SCN3A: variants seen among roughly 807,000 people sequenced by gnomAD.
SCN3A encodes the protein sodium channel protein type 3 subunit alpha.
SCN3A carries 60 observed loss-of-function variants against 187.6 expected under a neutral mutation model. The observed-to-expected ratio is 0.32, with a 90% CI of 0.26 to 0.40. SCN3A has a LOEUF of 0.40. Among genes scored for constraint, SCN3A ranks in the 10% least tolerant of loss-of-function variants. The pLI is 1.00. For synonymous variants in SCN3A, 788 were observed against 829.2 expected, an observed-to-expected ratio of 0.95 and a Z score of 0.85; for missense variants, 1,601 against 2,428.2, an observed-to-expected ratio of 0.66 and a Z score of 7.16.
At chr2:165,102,052 C>T (rs1423732829) in intron 21 of SCN3A, among the ~76,000 whole-genome samples, 1 of 152,234 alleles carries the variant, frequency 6.6e-6, no homozygotes, top group African/African-American at 2.4e-5. Context: ...ATGTTCTATG[C>T]TCCTTTTCCT....
chr2:165,134,027 A>G (rs1215133370), intron 15 of SCN3A, among the ~76,000 whole-genome samples: 4 of 152,198 alleles, frequency 2.6e-5, no homozygotes, highest in African/African-American at 7.2e-5. Context: ...ATTGTTTATT[A>G]TAATGATCTC....
intron 2 of SCN3A, among the ~76,000 whole-genome samples, chr2:165,182,974 C>CAAAA (rs745609592): frequency 1.2e-3 from 106 of 87,046 alleles, no homozygotes; most frequent in East Asian, 5.4e-3. Context: ...AAGACCTTGT[C>CAAAA]AAAAAAAAAA....
In SCN3A at chr2:165,089,236, C is replaced by T. The variant is rs1259167899; in HGVS notation, c.*914G>A. On this transcript the variant is annotated 3_prime_UTR_variant, in exon 28 of 28. Transcript: ENST00000283254. Reference sequence around the variant, plus strand: ...CACCACAGGATAAAATAACTATTTACATAACATAGGGTATTTAATTGACAT... The same window carrying T: ...CACCACAGGATAAAATAACTATTTATATAACATAGGGTATTTAATTGACAT... The T allele has an allele frequency of 6.6e-6, 1 of 152,532 alleles. No individual in the cohort carries two copies. Among genetic ancestry groups the T allele is most frequent in the East Asian group, 1.9e-4 (1 of 5,190 alleles). The allele number at this position is 152,532 out of a possible 1,614,324, so 9.4% of individuals were successfully genotyped here. A position where few individuals can be genotyped will look rare whatever the true frequency, so the allele number is the denominator to read the frequency against.
At chr2:165,154,706 C>T (rs138187361) in intron 10 of SCN3A, 48 bp from the exon 11 acceptor site, 1 of 1,514,300 alleles carries the variant, frequency 6.6e-7, no homozygotes, top group Non-Finnish European at 9.2e-7. Flanking sequence ...TATAATGTCC[C>T]CAAATAAATA....
chr2:165,100,611 CAATGAAACCAG>C (rs1685560832), intron 21 of SCN3A, among the ~76,000 whole-genome samples, 187 bp from the exon 22 acceptor site: 1 of 151,810 alleles, frequency 6.6e-6, no homozygotes, highest in Admixed American at 6.6e-5. Flanking sequence ...TTTTTTTAAC[CAATGAAACCAG>C]AATACTTGCC....
At chr2:165,176,550 TAA>T (rs1690481304) in intron 2 of SCN3A, 106 bp from the exon 3 acceptor site, 4 of 832,486 alleles carry the variant, frequency 4.8e-6, no homozygotes, top group Admixed American at 2.1e-5. Flanking sequence ...CTATAAACAT[TAA>T]GTCATGCTTT....
intron 5 of SCN3A, 39 bp downstream of exon 5, chr2:165,168,697 A>T: frequency 7.6e-7 from 1 of 1,320,602 alleles, no homozygotes; most frequent in East Asian, 2.3e-5. Context: ...AGAGAATTTG[A>T]GTGTGCATTT....
chr2:165,146,386 G>A (rs1490723250), intron 12 of SCN3A, among the ~76,000 whole-genome samples: 23 of 59,572 alleles, frequency 3.9e-4, no homozygotes, highest in African/African-American at 1.2e-3. Flanking sequence ...ATATATATGT[G>A]TGTGTGTGTG....
intron 2 of SCN3A, among the ~76,000 whole-genome samples, chr2:165,179,915 AAATT>A (rs1430559417): frequency 6.6e-6 from 1 of 152,124 alleles, no homozygotes; most frequent in African/African-American, 2.4e-5. Flanking sequence ...CAGACTTTAA[AAATT>A]AATTCTTACT....
chr2:165,116,144 A>G (rs1686357978), intron 18 of SCN3A, among the ~76,000 whole-genome samples: 1 of 152,072 alleles, frequency 6.6e-6, no homozygotes, highest in Non-Finnish European at 1.5e-5. Context: ...GGCTTACATA[A>G]TTTTCTTCTT....
In SCN3A at chr2:165,088,449, A is replaced by AT. The variant is rs1462971261; in HGVS notation, c.*1700dup. 6.6e-6 allele frequency: 1 copy of AT among 152,484 alleles called. No individual in the cohort carries two copies. The highest frequency in any genetic ancestry group is 1.5e-5 in the Non-Finnish European group (1 of 67,954). 9.4% of individuals were successfully genotyped at this position (152,484 alleles called of 1,614,324 possible). On this transcript the variant is annotated 3_prime_UTR_variant, in exon 28 of 28. Transcript: ENST00000283254. ...CATACGTAAATACTACAAAAGTTGA[A>AT]TAAAAAAAAACATCTATGAATAAAA... is the stretch of plus-strand genomic sequence containing the variant.
intron 1 of SCN3A, among the ~76,000 whole-genome samples, chr2:165,196,023 T>C (rs533607914): frequency 6.6e-6 from 1 of 152,270 alleles, no homozygotes; most frequent in Non-Finnish European, 1.5e-5. Context: ...AATGGTTATA[T>C]CAACCATAAA....
intron 21 of SCN3A, among the ~76,000 whole-genome samples, chr2:165,101,847 C>T (rs1685619111): frequency 6.6e-6 from 1 of 152,156 alleles, no homozygotes; most frequent in Non-Finnish European, 1.5e-5. Context: ...TAGGCTTTAA[C>T]AACATATGAA....
At chr2:165,153,986 C>CTTTTTTTTTTT (rs1559237785) in intron 11 of SCN3A, among the ~76,000 whole-genome samples, 17 of 39,140 alleles carry the variant, frequency 4.3e-4, no homozygotes, top group African/African-American at 9.3e-4. Flanking sequence ...CTATAGCAAA[C>CTTTTTTTTTTT]ATTTTTTTTT....
At chr2:165,147,147 T>A (rs1373625989) in intron 11 of SCN3A, 118 bp from the exon 12 acceptor site, 5 of 1,143,806 alleles carry the variant, frequency 4.4e-6, no homozygotes, top group Non-Finnish European at 5.0e-6. Context: ...TATCCTCTAG[T>A]CCTTTTATTT....
rs1688399415 is a variant in SCN3A, at chr2:165,147,089, T to C, written c.1381-60A>G. The C allele has an allele frequency of 1.9e-5, 31 of 1,593,828 alleles. No homozygotes were observed. The South Asian group carries it at 2.9e-4, about 15-fold the overall frequency. Reference sequence around the variant, plus strand: ...ACAGAGCTTTGAAAACAGTTGAGTATGGTTAAAATATTGCCATTTAAGACT... The same window carrying C: ...ACAGAGCTTTGAAAACAGTTGAGTACGGTTAAAATATTGCCATTTAAGACT... On this transcript the variant is annotated intron_variant, in intron 11 of 27. Coordinates refer to ENST00000283254, the MANE Select transcript of SCN3A (RefSeq NM_006922.4).
At chr2:165,114,476 TC>T (rs1412508741) in intron 19 of SCN3A, among the ~76,000 whole-genome samples, 7 of 152,200 alleles carry the variant, frequency 4.6e-5, no homozygotes, top group African/African-American at 1.4e-4. Context: ...ATGACTCAGC[TC>T]GTCAGTCAGT....
At chr2:165,196,841 C>T (rs1691996988) in intron 1 of SCN3A, among the ~76,000 whole-genome samples, 1 of 152,036 alleles carries the variant, frequency 6.6e-6, no homozygotes, top group Non-Finnish European at 1.5e-5. Context: ...GTTTTGCTTC[C>T]AACTGGTGAT....
Position 165,176,388 on chromosome 2 carries a change from G to T in SCN3A, c.7C>A (p.Gln3Lys). Residue 3 changes from glutamine to lysine, a missense_variant, in exon 3 of 28, where the codon CAG becomes AAG. Around this residue, in one of 11 missense-constraint regions of SCN3A, gnomAD observed 74 missense variants for 77.7 expected, o/e 0.95. Coordinates refer to ENST00000283254, the MANE Select transcript of SCN3A (RefSeq NM_006922.4). ...GGTCCTGGGGGTACCAACAGTGCCT[G>T]TGCCATCTTTTCATCCTGCACATTT... MA[Q>K]ALLVPPGPES... 6.2e-7 allele frequency: 1 copy of T among 1,614,042 alleles called. No homozygotes were observed. Among genetic ancestry groups the T allele is most frequent in the Non-Finnish European group, 8.5e-7 (1 of 1,179,962 alleles).
Sources: allele counts gnomAD v4.1 joint callset (sites outside exome capture counted in the v4.1 genomes callset), GRCh38; gene constraint gnomAD v4.1.1; regional missense constraint gnomAD v4.1.1; transcripts MANE v1.5; gene names NCBI Gene and HGNC (gene_info 2026-07-23, HGNC 2026-07-21).